PPFIBP1: variants seen among roughly 807,000 people sequenced by gnomAD.
PPFIBP1 encodes PPFIB scaffold protein 1.
Under a neutral mutation model 137.8 loss-of-function variants are expected in PPFIBP1, and 112 were observed. The observed-to-expected ratio is 0.81, with a 90% CI of 0.70 to 0.95. PPFIBP1 has a LOEUF of 0.95. Among genes scored for constraint, PPFIBP1 ranks in the 40% least tolerant of loss-of-function variants. PPFIBP1 has a pLI of 0.00. For synonymous variants in PPFIBP1, 378 were observed against 417.3 expected, an observed-to-expected ratio of 0.91 and a Z score of 1.15; for missense variants, 1,083 against 1,196.6, an observed-to-expected ratio of 0.91 and a Z score of 1.40.
At chr12:27,531,731 C>T (rs1380455659) in intron 1 of PPFIBP1, among the ~76,000 whole-genome samples, 1 of 152,104 alleles carries the variant, frequency 6.6e-6, no homozygotes, top group Non-Finnish European at 1.5e-5. Context: ...TCAGCTCTTT[C>T]TCCTAGAAGG....
At chr12:27,566,616 A>G (rs190712393) in intron 1 of PPFIBP1, among the ~76,000 whole-genome samples, 1 of 152,318 alleles carries the variant, frequency 6.6e-6, no homozygotes. Flanking sequence ...CTAAAAATGG[A>G]TAATAATGAG....
In PPFIBP1 at chr12:27,646,140, G is replaced by A. The variant is rs139120224; in HGVS notation, c.349G>A (p.Val117Ile). 1,102 of 1,604,430 alleles carry A rather than the reference G, an allele frequency of 6.9e-4. No individual in the cohort carries two copies. Among genetic ancestry groups the A allele is most frequent in the Non-Finnish European group, 7.9e-4 (928 of 1,171,586 alleles). ...TTTAGAAAATGATAAAGAATCCCTC[G>A]TTCTTCAGGCAAGTGATTTTTAAAT... is the stretch of plus-strand genomic sequence containing the variant. ...ARLENDKESL[V>I]LQVSVLTDQV... is the part of the protein sequence containing the mutation. Residue 117 changes from valine to isoleucine, a missense_variant, in exon 5 of 30, where the codon GTT becomes ATT. Transcript: ENST00000228425.
At chr12:27,595,032 C>T (rs2053026429) in intron 2 of PPFIBP1, among the ~76,000 whole-genome samples, 1 of 152,188 alleles carries the variant, frequency 6.6e-6, no homozygotes, top group Admixed American at 6.5e-5. Flanking sequence ...AAATCTTTGA[C>T]TATGACCCTT....
rs192628741 is a variant in PPFIBP1, at chr12:27,531,926, C to T, written c.-124+7561C>T. Among the ~76,000 whole-genome samples the T allele has an allele frequency of 2.1e-3, 314 of 151,936 alleles. 1 individual carries two copies. Among genetic ancestry groups the T allele is most frequent in the African/African-American group, 7.1e-3 (294 of 41,428 alleles). Reference sequence around the variant, plus strand: ...TTAACTATAGCATAGGGATGAAGGGCGGGGACTCCAGAGTCAGACAGATGT... The same window carrying T: ...TTAACTATAGCATAGGGATGAAGGGTGGGGACTCCAGAGTCAGACAGATGT... On this transcript the variant is annotated intron_variant, in intron 1 of 29. Coordinates refer to ENST00000228425, the MANE Select transcript of PPFIBP1 (RefSeq NM_003622.4).
At chr12:27,599,058 A>ACC (rs2053661380) in intron 2 of PPFIBP1, among the ~76,000 whole-genome samples, 1 of 152,216 alleles carries the variant, frequency 6.6e-6, no homozygotes, top group African/African-American at 2.4e-5. Flanking sequence ...TGGGATTTGG[A>ACC]ACCTAAATAT....
chr12:27,693,147 T>A lies in PPFIBP1; in HGVS notation c.*265T>A. 1 of 350,806 alleles carries A rather than the reference T, an allele frequency of 2.9e-6. No homozygotes were observed. The highest frequency in any genetic ancestry group is 5.0e-6 in the Non-Finnish European group (1 of 198,932). 21.7% of individuals were successfully genotyped at this position (350,806 alleles called of 1,614,324 possible). ...TATATTATATTTAAAGTGTTGCATT[T>A]AAGATGAGTATTTTACCAGAGTGTT... is the stretch of plus-strand genomic sequence containing the variant. On this transcript the variant is annotated 3_prime_UTR_variant, in exon 30 of 30. Coordinates refer to ENST00000228425, the MANE Select transcript of PPFIBP1 (RefSeq NM_003622.4).
Position 27,692,814 on chromosome 12 carries a change from G to A in PPFIBP1, c.2950G>A (p.Asp984Asn). 6.2e-7 allele frequency: 1 copy of A among 1,614,120 alleles called. No individual in the cohort carries two copies. Among genetic ancestry groups the A allele is most frequent in the Non-Finnish European group, 8.5e-7 (1 of 1,180,002 alleles). ...TTTCCAGCACATGTTAAAAGAAGATGACATGTTTAAAGATTTTGCTGCCCG... is the reference window on the plus strand; with the variant it reads ...TTTCCAGCACATGTTAAAAGAAGATAACATGTTTAAAGATTTTGCTGCCCG... ...NNLTHMLKED[D>N]MFKDFAARSP... Residue 984 changes from aspartate (D) to asparagine (N), a missense_variant, in exon 30 of 30, where the codon GAC becomes AAC. Physicochemically the swap from Asp to Asn is conservative, Grantham distance 23. Transcript: ENST00000228425.
intron 7 of PPFIBP1, among the ~76,000 whole-genome samples, chr12:27,654,032 T>C (rs2059043283): frequency 6.6e-6 from 1 of 152,192 alleles, no homozygotes; most frequent in Admixed American, 6.5e-5. Flanking sequence ...ACCCAGAGAA[T>C]AGAGAATAGT....
intron 11 of PPFIBP1, among the ~76,000 whole-genome samples, chr12:27,664,016 G>A (rs1419063424): frequency 6.6e-6 from 1 of 152,138 alleles, no homozygotes; most frequent in Non-Finnish European, 1.5e-5. Context: ...AGTTATTGAA[G>A]CTGACTTTTT....
At chr12:27,537,307 G>A (rs1403720812) in intron 1 of PPFIBP1, among the ~76,000 whole-genome samples, 1 of 151,968 alleles carries the variant, frequency 6.6e-6, no homozygotes, top group Admixed American at 6.6e-5. Context: ...AATTTTTTGT[G>A]TTTTTAGTAG....
chr12:27,581,808 A>G lies in PPFIBP1; in HGVS notation c.-36+3569A>G, dbSNP rs539180164. 5.3e-5 allele frequency among the ~76,000 whole-genome samples: 8 copies of G among 152,194 alleles called. No homozygotes were observed. The East Asian group carries it at 1.5e-3, about 29-fold the overall frequency. On this transcript the variant is annotated intron_variant, in intron 2 of 29. Transcript: ENST00000228425. ...TTCGTGATAACTGGACAATATATAAATGATCTTGGTTTCATCATGTAACTC... is the reference window on the plus strand; with the variant it reads ...TTCGTGATAACTGGACAATATATAAGTGATCTTGGTTTCATCATGTAACTC...
Position 27,676,343 on chromosome 12 carries a change from C to T in PPFIBP1, c.1411-85C>T, listed in dbSNP as rs1408137263. The T allele has an allele frequency of 3.1e-5, 32 of 1,048,482 alleles. No individual in the cohort carries two copies. The East Asian group carries it at 7.9e-4, about 26-fold the overall frequency. 64.9% of individuals were successfully genotyped at this position (1,048,482 alleles called of 1,614,324 possible). A position where few individuals can be genotyped will look rare whatever the true frequency, so the allele number is the denominator to read the frequency against. ...CTTTTGAATAAACTCATGGATGTGGCGTGAGTGAGTATTTGCTGTTAGCCT... is the reference window on the plus strand; with the variant it reads ...CTTTTGAATAAACTCATGGATGTGGTGTGAGTGAGTATTTGCTGTTAGCCT... On this transcript the variant is annotated intron_variant, in intron 17 of 29. Transcript: ENST00000228425.
intron 2 of PPFIBP1, among the ~76,000 whole-genome samples, chr12:27,600,652 T>C (rs1461970723): frequency 2.6e-5 from 4 of 152,148 alleles, no homozygotes; most frequent in East Asian, 1.9e-4. Context: ...TATTCTGAAT[T>C]TGATGTTAAT....
At position 27,578,022 on chromosome 12, in the gene PPFIBP1, G is replaced by A. The variant is rs149238433; in HGVS notation, c.-123-130G>A. On this transcript the variant is annotated intron_variant, in intron 1 of 29. Coordinates refer to ENST00000228425, the MANE Select transcript of PPFIBP1 (RefSeq NM_003622.4). ...ATGAATGGAAGGAAGTCCTTAACACGTTTTGTTGTTTTTAATTACACTCAT... is the reference window on the plus strand; with the variant it reads ...ATGAATGGAAGGAAGTCCTTAACACATTTTGTTGTTTTTAATTACACTCAT... 104 of 152,132 alleles carry A rather than the reference G, an allele frequency of 6.8e-4. 1 individual carries two copies. Among genetic ancestry groups the A allele is most frequent in the Middle Eastern group, 3.4e-3 (1 of 294 alleles). 9.4% of individuals were successfully genotyped at this position (152,132 alleles called of 1,614,324 possible).
At chr12:27,681,735 A>G (rs1415412689) in intron 22 of PPFIBP1, 39 bp downstream of exon 22, 2 of 1,604,926 alleles carry the variant, frequency 1.2e-6, no homozygotes, top group Non-Finnish European at 1.7e-6. Flanking sequence ...ATGGATACTG[A>G]GAAGAAAACA....
chr12:27,646,371 C>A, intron 5 of PPFIBP1: 2 of 571,556 alleles, frequency 3.5e-6, no homozygotes, highest in Non-Finnish European at 6.6e-6. Context: ...TCTTGCAGGA[C>A]CAGTCTGAAT....
chr12:27,671,523 G>A lies in PPFIBP1; in HGVS notation c.1239G>A (p.Lys413=), dbSNP rs754262891. The change falls in exon 14 of 30, where the codon AAG becomes AAA. Residue 413 remains lysine (K), a synonymous_variant. Coordinates refer to ENST00000228425, the MANE Select transcript of PPFIBP1 (RefSeq NM_003622.4). ...CTGAAAAATCAAAGTTGACTCCTAA[G>A]CCAGAGACTTCATTTGAAGAAAAGT... ...ETSEKSKLTP[K]PETSFEENDG... is the part of the protein sequence containing the mutation. 6.3e-7 allele frequency: 1 copy of A among 1,585,616 alleles called. No individual in the cohort carries two copies. The highest frequency in any genetic ancestry group is 8.6e-7 in the Non-Finnish European group (1 of 1,166,756).
chr12:27,582,813 G>T lies in PPFIBP1; in HGVS notation c.-36+4574G>T, dbSNP rs531207606. 3.9e-5 allele frequency among the ~76,000 whole-genome samples: 6 copies of T among 152,304 alleles called. No homozygotes were observed. In the South Asian group the frequency reaches 1.0e-3, roughly 26 times the overall value. ...ATTGAAATAGCCCTGAGAGTTTCTTGTGACTATTACCTTGAGCTGAGGTGT... is the reference window on the plus strand; with the variant it reads ...ATTGAAATAGCCCTGAGAGTTTCTTTTGACTATTACCTTGAGCTGAGGTGT... On this transcript the variant is annotated intron_variant, in intron 2 of 29. Coordinates refer to ENST00000228425, the MANE Select transcript of PPFIBP1 (RefSeq NM_003622.4).
Position 27,691,917 on chromosome 12 carries a change from CG to C in PPFIBP1, c.2856del (p.Leu953Ter). On this transcript the variant is annotated frameshift_variant, in exon 28 of 30. Coordinates refer to ENST00000228425, the MANE Select transcript of PPFIBP1 (RefSeq NM_003622.4). LOFTEE classifies it high-confidence loss of function. ...MRLYEEDDLD[R>X]LEQMEDSEGT... Reference sequence around the variant, plus strand: ...CCTGTATGAGGAAGATGATTTGGACCGGTTAGAGCAGGTAAATCCAACACTG... The same window carrying C: ...CCTGTATGAGGAAGATGATTTGGACCGTTAGAGCAGGTAAATCCAACACTG... 1 of 1,606,464 alleles carries C rather than the reference CG, an allele frequency of 6.2e-7. No individual in the cohort carries two copies. Among genetic ancestry groups the C allele is most frequent in the Non-Finnish European group, 8.5e-7 (1 of 1,177,562 alleles).
Sources: gnomAD v4.1 joint callset for allele counts (sites outside exome capture counted in the v4.1 genomes callset) on GRCh38, gnomAD v4.1.1 for gene constraint, MANE v1.5 for transcripts, NCBI Gene and HGNC (gene_info 2026-07-23, HGNC 2026-07-21) for gene names.